Variants in SULF1 observed in about 807,000 individuals in gnomAD.
SULF1 encodes the protein sulfatase 1.
SULF1 carries 46 observed loss-of-function variants against 110.5 expected under a neutral mutation model. The ratio of observed to expected loss-of-function variants is 0.42; its 90% confidence interval spans 0.33 to 0.53. SULF1 has a LOEUF of 0.53. Among genes scored for constraint, SULF1 ranks in the 20% least tolerant of loss-of-function variants. SULF1 has a pLI of 0.12. For synonymous variants in SULF1, 371 were observed against 387.1 expected, an observed-to-expected ratio of 0.96 and a Z score of 0.49; for missense variants, 941 against 1,094.2, an observed-to-expected ratio of 0.86 and a Z score of 1.98.
chr8:69,644,001 G>A (rs896402397), intron 22 of SULF1, among the ~76,000 whole-genome samples: 1 of 152,250 alleles, frequency 6.6e-6, no homozygotes, highest in Admixed American at 6.5e-5. Flanking sequence ...TCCCGGGGGT[G>A]TGTGGGGCAG....
chr8:69,578,755 A>T (rs571602031), intron 6 of SULF1, among the ~76,000 whole-genome samples: 23 of 152,096 alleles, frequency 1.5e-4, no homozygotes, highest in African/African-American at 5.3e-4. Flanking sequence ...CTGTTTCTAA[A>T]CCTTTTCCCC....
At chr8:69,495,399 A>G (rs949463586) in intron 1 of SULF1, among the ~76,000 whole-genome samples, 1 of 152,112 alleles carries the variant, frequency 6.6e-6, no homozygotes, top group Admixed American at 6.6e-5. Context: ...GGCTCTTTAA[A>G]AAAAAAATGC....
chr8:69,484,075 T>A (rs1809606328), intron 1 of SULF1, among the ~76,000 whole-genome samples: 1 of 152,228 alleles, frequency 6.6e-6, no homozygotes, highest in African/African-American at 2.4e-5. Flanking sequence ...CAAGGTTGGA[T>A]ATGGACCCAG....
At chr8:69,584,334 CGCAGGA>C (rs1488257345) in intron 6 of SULF1, 1 of 152,656 alleles carries the variant, frequency 6.6e-6, no homozygotes. Flanking sequence ...GCAAGGGGAG[CGCAGGA>C]GCAGGCGAAA....
At chr8:69,568,943 C>T (rs747731529) in intron 5 of SULF1, among the ~76,000 whole-genome samples, 12 of 152,138 alleles carry the variant, frequency 7.9e-5, no homozygotes, top group Non-Finnish European at 1.6e-4. Context: ...TATTCTGTTA[C>T]ACCCTACACT....
intron 1 of SULF1, among the ~76,000 whole-genome samples, chr8:69,467,298 A>G (rs998937456): frequency 1.3e-5 from 2 of 152,234 alleles, no homozygotes; most frequent in East Asian, 3.8e-4. Flanking sequence ...ATTAAAATTC[A>G]CTTTCAAACT....
At chr8:69,514,035 C>A (rs149230273) in intron 3 of SULF1, among the ~76,000 whole-genome samples, 1 of 152,188 alleles carries the variant, frequency 6.6e-6, no homozygotes, top group Non-Finnish European at 1.5e-5. Flanking sequence ...CTTAATCTTT[C>A]TGGGCCTCCA....
chr8:69,600,995 A>G (rs1807757036), intron 9 of SULF1, among the ~76,000 whole-genome samples: 2 of 151,768 alleles, frequency 1.3e-5, no homozygotes, highest in South Asian at 4.2e-4. Context: ...AGAAAAATCA[A>G]ATCAGCGTAG....
chr8:69,467,839 T>C (rs991136008), intron 1 of SULF1, among the ~76,000 whole-genome samples: 5 of 152,244 alleles, frequency 3.3e-5, no homozygotes, highest in African/African-American at 1.2e-4. Context: ...TGGAAATTAA[T>C]AGTCATCTGG....
At chr8:69,498,463 G>T (rs1388308976) in intron 2 of SULF1, among the ~76,000 whole-genome samples, 1 of 152,060 alleles carries the variant, frequency 6.6e-6, no homozygotes, top group Admixed American at 6.6e-5. Context: ...ATAGTTACTG[G>T]GGCCACACTG....
intron 3 of SULF1, among the ~76,000 whole-genome samples, chr8:69,531,636 G>A (rs1217757813): frequency 6.6e-6 from 1 of 152,226 alleles, no homozygotes; most frequent in African/African-American, 2.4e-5. Context: ...AGTAATTAAT[G>A]TGGAAGCTGA....
At chr8:69,534,542 T>C (rs1198367699) in intron 3 of SULF1, among the ~76,000 whole-genome samples, 1 of 152,218 alleles carries the variant, frequency 6.6e-6, no homozygotes, top group African/African-American at 2.4e-5. Flanking sequence ...AAGTATTCCT[T>C]CCAGGAAGGT....
intron 19 of SULF1, among the ~76,000 whole-genome samples, chr8:69,630,975 C>A (rs577588169): frequency 1.3e-5 from 2 of 151,782 alleles, no homozygotes; most frequent in African/African-American, 2.4e-5. Flanking sequence ...CCCCTGCCCC[C>A]ACCCTGCAAC....
At chr8:69,575,899 T>G in intron 5 of SULF1, 71 bp from the exon 6 acceptor site, 1 of 1,557,758 alleles carries the variant, frequency 6.4e-7, no homozygotes, top group Middle Eastern at 1.8e-4. Context: ...ACAGAGGCAC[T>G]GAGGGGCACA....
chr8:69,603,195 C>A lies in SULF1; in HGVS notation c.1065C>A (p.Val355=), dbSNP rs1807970372. ...ATCACCGTGTGCCCCTTTACAGAGT[C>A]CCACAGATCGTTCTCAACATTGACT... ...RGPSVEPGSI[V]PQIVLNIDLA... The change falls in exon 11 of 23, where the codon GTC becomes GTA. Residue 355 remains valine (V), a synonymous_variant. Coordinates refer to ENST00000402687, the MANE Select transcript of SULF1 (RefSeq NM_001128205.2). 6.2e-7 allele frequency: 1 copy of A among 1,614,002 alleles called. No homozygotes were observed. The highest frequency in any genetic ancestry group is 8.5e-7 in the Non-Finnish European group (1 of 1,180,012).
Position 69,653,861 on chromosome 8 carries a change from A to T in SULF1, c.2586-4644A>T, listed in dbSNP as rs111576114. Among the ~76,000 whole-genome samples, 287 of 152,314 alleles carry T rather than the reference A, an allele frequency of 1.9e-3. 3 individuals are homozygous for T. Among genetic ancestry groups the T allele is most frequent in the African/African-American group, 6.6e-3 (276 of 41,560 alleles). On this transcript the variant is annotated intron_variant, in intron 22 of 22. Transcript: ENST00000402687. ...ATCTCTGTGAACTGGGGGTAGACCA[A>T]ATACATTTTTCTTATTATGCCCTAG...
intron 8 of SULF1, among the ~76,000 whole-genome samples, chr8:69,593,690 T>A (rs967574230): frequency 2.0e-5 from 3 of 152,180 alleles, no homozygotes; most frequent in Non-Finnish European, 4.4e-5. Context: ...GGAAAATAGT[T>A]TAATCAAACT....
intron 3 of SULF1, among the ~76,000 whole-genome samples, chr8:69,535,895 G>T (rs1427334922): frequency 1.3e-5 from 2 of 152,048 alleles, no homozygotes; most frequent in Non-Finnish European, 2.9e-5. Context: ...AGCCAGGCCT[G>T]TAATCCCAGC....
chr8:69,623,873 G>C (rs1809797925), intron 14 of SULF1, 69 bp from the exon 15 acceptor site: 2 of 1,543,528 alleles, frequency 1.3e-6, no homozygotes, highest in South Asian at 2.5e-5. Context: ...TTCTGGACCA[G>C]GTGATCACTT....
Sources: allele counts gnomAD v4.1 joint callset (sites outside exome capture counted in the v4.1 genomes callset), GRCh38; gene constraint gnomAD v4.1.1; transcripts MANE v1.5; gene names NCBI Gene and HGNC (gene_info 2026-07-23, HGNC 2026-07-21).